The following PROM1 variants were observed in gnomAD, a reference collection of about 807,000 sequenced individuals.
PROM1 encodes the protein prominin 1.
In PROM1, 105 loss-of-function variants were observed where a neutral mutation model predicts 116.9. That is an observed-to-expected ratio of 0.90 (90% CI 0.77 to 1.06). The LOEUF (loss-of-function observed/expected upper bound fraction) is 1.06, where lower values mean the gene tolerates loss of function less well. Ranked by LOEUF, PROM1 falls within the 50% of genes least tolerant of loss-of-function variation. The pLI, the probability that PROM1 is intolerant of heterozygous loss-of-function variation, is 0.00. For synonymous variants in PROM1, 393 were observed against 387.0 expected (o/e 1.02, Z -0.18); for missense variants, 1,122 against 1,045.2 (o/e 1.07, Z -1.01).
At chr4:15,973,083 G>T (rs1273938228) in intron 26 of PROM1, among the ~76,000 whole-genome samples, 21 of 152,218 alleles carry the variant, frequency 1.4e-4, no homozygotes. Flanking sequence ...AGGGTCAGCT[G>T]CTGTTTATGT....
At chr4:16,007,150 C>T (rs1476239992) in intron 12 of PROM1, among the ~76,000 whole-genome samples, 2 of 152,126 alleles carry the variant, frequency 1.3e-5, no homozygotes, top group Non-Finnish European at 2.9e-5. Context: ...GATTCTTTTC[C>T]CTGGGCCTTT....
chr4:16,013,454 T>C (rs1000761299), intron 10 of PROM1, 116 bp from the exon 11 acceptor site: 6 of 698,974 alleles, frequency 8.6e-6, no homozygotes, highest in African/African-American at 5.2e-5. Flanking sequence ...ATAACATTCA[T>C]CTTAAGGGTG....
intron 13 of PROM1, among the ~76,000 whole-genome samples, chr4:16,004,846 TTCC>T (rs1228578602): frequency 7.2e-6 from 1 of 139,398 alleles, no homozygotes; most frequent in East Asian, 2.1e-4. Flanking sequence ...CCTTCCTTCC[TTCC>T]TTCCTTCCTT....
chr4:15,992,758 T>TCCAGCTTTGAC (rs1277343212), intron 16 of PROM1, among the ~76,000 whole-genome samples: 1 of 152,196 alleles, frequency 6.6e-6, no homozygotes, highest in African/African-American at 2.4e-5. Flanking sequence ...CTTCTAAGCC[T>TCCAGCTTTGAC]CCAGCTTTGA....
rs548969369 is a variant in PROM1 at position 16,030,358 on chromosome 4, T to C, written c.509+2946A>G. Among the ~76,000 whole-genome samples, 178 of 152,354 alleles carry C rather than the reference T, an allele frequency of 1.2e-3. 4 individuals are homozygous for C. In the South Asian group the frequency reaches 0.022, roughly 19 times the overall value. ...AGTTTTAGTTTTGTCACAATCTCAG[T>C]TGATCAATTTTGGTTTAATTATATT... is the stretch of plus-strand genomic sequence containing the variant. On this transcript the variant is annotated intron_variant, in intron 5 of 27. Transcript: ENST00000447510.
At chr4:16,012,929 A>G (rs988973948) in intron 11 of PROM1, among the ~76,000 whole-genome samples, 1 of 151,972 alleles carries the variant, frequency 6.6e-6, no homozygotes, top group African/African-American at 2.4e-5. Context: ...AGAAAATATA[A>G]TAATCTACAG....
At chr4:16,027,823 G>A (rs909362792) in intron 5 of PROM1, among the ~76,000 whole-genome samples, 5 of 152,152 alleles carry the variant, frequency 3.3e-5, no homozygotes, top group Admixed American at 2.0e-4. Context: ...AAGACTGGCC[G>A]TATGTCTAAG....
In PROM1 at chr4:16,038,592, G is replaced by A. The variant is rs573009223; in HGVS notation, c.276+354C>T. Among the ~76,000 whole-genome samples, 16 of 151,764 alleles carry A rather than the reference G, an allele frequency of 1.1e-4. 1 individual carries two copies. The highest frequency in any genetic ancestry group is 3.9e-4 in the African/African-American group (16 of 41,382). On this transcript the variant is annotated intron_variant, in intron 3 of 27. Coordinates refer to ENST00000447510, the MANE Select transcript of PROM1 (RefSeq NM_006017.3). ...TAATTTTTGTATTTTTAGTAGGGAT[G>A]GAGTTTCACCATATTGGCCAGGCTG...
chr4:16,026,178 A>G (rs572115939), intron 5 of PROM1, among the ~76,000 whole-genome samples: 1 of 152,358 alleles, frequency 6.6e-6, no homozygotes, highest in South Asian at 2.1e-4. Context: ...GAAAAAACCA[A>G]AACGTCTTTT....
At chr4:16,060,049 C>A (rs1244418096) in intron 2 of PROM1, among the ~76,000 whole-genome samples, 1 of 152,138 alleles carries the variant, frequency 6.6e-6, no homozygotes, top group Non-Finnish European at 1.5e-5. Flanking sequence ...CTTCTACATG[C>A]ATAAAATAGG....
At chr4:16,077,973 A>G (rs2138843) in intron 1 of PROM1, 115,976 of 152,086 alleles carry the variant, frequency 0.76, 44,392 homozygotes, top group Non-Finnish European at 0.79. Flanking sequence ...ACACATGTGC[A>G]ACACTGGAAC....
intron 2 of PROM1, among the ~76,000 whole-genome samples, chr4:16,053,446 G>A (rs1164829303): frequency 2.0e-5 from 3 of 152,172 alleles, no homozygotes; most frequent in Non-Finnish European, 4.4e-5. Flanking sequence ...TTTCTCCCTT[G>A]TTGTGATTCC....
In PROM1 at chr4:15,971,042, C is replaced by T; in HGVS notation, c.*24+1G>A. ...CTCTTCAATGAAAGCATCAAACTTA[C>T]CTCAAGCAGTTTCAACATCAGCTAT... On this transcript the variant is annotated splice_donor_variant, in intron 27 of 27. Coordinates refer to ENST00000447510, the MANE Select transcript of PROM1 (RefSeq NM_006017.3). LOFTEE classifies it low-confidence loss of function (3UTR_SPLICE). 6.3e-7 allele frequency: 1 copy of T among 1,580,112 alleles called. No homozygotes were observed. Among genetic ancestry groups the T allele is most frequent in the Non-Finnish European group, 8.6e-7 (1 of 1,162,064 alleles).
chr4:15,984,230 C>A lies in PROM1; in HGVS notation c.2373+33G>T, dbSNP rs145584080. 16 of 1,467,676 alleles carry A rather than the reference C, an allele frequency of 1.1e-5. No individual in the cohort carries two copies. In the East Asian group the frequency reaches 3.7e-4, roughly 34 times the overall value. The allele number at this position is 1,467,676 out of a possible 1,614,324, so 90.9% of individuals were successfully genotyped here. A position where few individuals can be genotyped will look rare whatever the true frequency, so the allele number is the denominator to read the frequency against. On this transcript the variant is annotated intron_variant, in intron 23 of 27. Coordinates refer to ENST00000447510, the MANE Select transcript of PROM1 (RefSeq NM_006017.3). ...GAAAAACAACCAAAGATGATGGATT[C>A]ATTGTGTCTTCTTTTGAAAGATGAA...
At chr4:16,050,971 A>G (rs192210463) in intron 2 of PROM1, among the ~76,000 whole-genome samples, 98 of 152,336 alleles carry the variant, frequency 6.4e-4, no homozygotes, top group Admixed American at 2.9e-3. Flanking sequence ...GCCTACTGGG[A>G]AGACAGATAG....
At chr4:16,080,229 A>C (rs1744780321) in intron 1 of PROM1, among the ~76,000 whole-genome samples, 1 of 151,444 alleles carries the variant, frequency 6.6e-6, no homozygotes, top group Admixed American at 6.6e-5. Context: ...CTGGTTTAAA[A>C]GCAAATATGG....
rs1720461738 is a variant in PROM1 at position 15,989,650 on chromosome 4, T to A, written c.2076+82A>T. On this transcript the variant is annotated intron_variant, in intron 19 of 27. Transcript: ENST00000447510. The stretch of plus-strand genomic sequence containing the variant: ...GGGACCTATGAGAGATGAGCATGTG[T>A]CGTGAGGCTAAATGAAAGCCAACTA... The A allele has an allele frequency of 3.5e-6, 4 of 1,150,036 alleles. No homozygotes were observed. In the African/African-American group the frequency reaches 6.1e-5, roughly 18 times the overall value. 71.2% of individuals were successfully genotyped at this position (1,150,036 alleles called of 1,614,324 possible).
chr4:16,080,967 T>C (rs1744921558), intron 1 of PROM1, among the ~76,000 whole-genome samples: 2 of 152,248 alleles, frequency 1.3e-5, no homozygotes, highest in East Asian at 3.9e-4. Flanking sequence ...TAAGCCTGGC[T>C]AGCCAGCCTT....
At chr4:15,990,433 C>T (rs923956034) in intron 18 of PROM1, among the ~76,000 whole-genome samples, 15 of 152,204 alleles carry the variant, frequency 9.9e-5, no homozygotes, top group Admixed American at 2.6e-4. Context: ...GGTGGTACCT[C>T]TGCCTTCCCT....
Sources: gnomAD v4.1 joint callset for allele counts (sites outside exome capture counted in the v4.1 genomes callset) on GRCh38, gnomAD v4.1.1 for gene constraint, MANE v1.5 for transcripts, NCBI Gene and HGNC (gene_info 2026-07-23, HGNC 2026-07-21) for gene names.